The following NUBPL variants were observed in gnomAD, a reference collection of about 807,000 sequenced individuals.
NUBPL encodes iron-sulfur cluster transfer protein NUBPL.
A neutral mutation model predicts 45.7 loss-of-function variants in NUBPL; 31 were observed. The observed-to-expected ratio is 0.68, with a 90% CI of 0.51 to 0.92. The LOEUF (loss-of-function observed/expected upper bound fraction) is 0.92. NUBPL is among the 40% of genes least tolerant of loss of function. NUBPL has a pLI of 0.00. For synonymous variants in NUBPL, 144 were observed against 140.9 expected (o/e 1.02, Z -0.15); for missense variants, 401 against 398.7 (o/e 1.01, Z -0.05).
intron 4 of NUBPL, among the ~76,000 whole-genome samples, chr14:31,658,015 T>G (rs1416717036): frequency 1.3e-5 from 2 of 152,168 alleles, no homozygotes; most frequent in Non-Finnish European, 1.5e-5. Flanking sequence ...CTAAAAGATA[T>G]GTCAGAACAA....
chr14:31,637,898 C>G (rs2035554627), intron 4 of NUBPL, among the ~76,000 whole-genome samples: 2 of 152,142 alleles, frequency 1.3e-5, no homozygotes, highest in South Asian at 4.1e-4. Context: ...TTATCAGAGA[C>G]TAGGATTGCA....
chr14:31,663,766 T>C (rs1350990180), intron 4 of NUBPL, among the ~76,000 whole-genome samples: 2 of 152,368 alleles, frequency 1.3e-5, no homozygotes, highest in South Asian at 4.1e-4. Context: ...TTTTTTCTAA[T>C]TCTATGAAGA....
intron 7 of NUBPL, among the ~76,000 whole-genome samples, chr14:31,816,779 C>T (rs983721768): frequency 1.3e-5 from 2 of 152,058 alleles, no homozygotes; most frequent in African/African-American, 4.8e-5. Context: ...GCCTTAATTT[C>T]ATTACTTACC....
At chr14:31,615,180 CCTCT>C (rs374297593) in intron 4 of NUBPL, among the ~76,000 whole-genome samples, 34 of 151,468 alleles carry the variant, frequency 2.2e-4, no homozygotes, top group Non-Finnish European at 1.5e-5. Flanking sequence ...TGGCACTTCC[CCTCT>C]CTCTCTCTCC....
chr14:31,804,234 A>G (rs1230589424), intron 7 of NUBPL, among the ~76,000 whole-genome samples: 3 of 152,200 alleles, frequency 2.0e-5, no homozygotes, highest in Non-Finnish European at 4.4e-5. Flanking sequence ...GCAAAATGGT[A>G]CTGTCATTAA....
At position 31,673,410 on chromosome 14, in the gene NUBPL, T is replaced by TA. The variant is rs1280678346; in HGVS notation, c.422+16_422+17insA. 4 of 1,607,666 alleles carry TA rather than the reference T, an allele frequency of 2.5e-6. No individual in the cohort carries two copies. Among genetic ancestry groups the TA allele is most frequent in the Middle Eastern group, 3.4e-4 (2 of 5,864 alleles). Reference sequence around the variant, plus strand: ...GTATTGCTTGGTGAGCATATATATATTTTTAATGTTACTTTTCAGAATAAT... The same window carrying TA: ...GTATTGCTTGGTGAGCATATATATATATTTTAATGTTACTTTTCAGAATAAT... On this transcript the variant is annotated intron_variant, in intron 5 of 10. Coordinates refer to ENST00000281081, the MANE Select transcript of NUBPL (RefSeq NM_025152.3).
intron 2 of NUBPL, among the ~76,000 whole-genome samples, chr14:31,563,679 T>A (rs2033360318): frequency 6.6e-6 from 1 of 152,226 alleles, no homozygotes; most frequent in South Asian, 2.1e-4. Flanking sequence ...ATGCTAGAGA[T>A]GTTTTAGATT....
At chr14:31,831,792 TC>T (rs1182517778) in intron 8 of NUBPL, among the ~76,000 whole-genome samples, 2 of 152,232 alleles carry the variant, frequency 1.3e-5, no homozygotes. Context: ...ATTTGTACTT[TC>T]TTCTTAAGAT....
intron 6 of NUBPL, among the ~76,000 whole-genome samples, chr14:31,758,565 T>C (rs1397864269): frequency 6.6e-6 from 1 of 152,140 alleles, no homozygotes. Context: ...AGAGATTAAG[T>C]TTTATGTGTG....
intron 6 of NUBPL, among the ~76,000 whole-genome samples, chr14:31,732,734 C>T (rs1452526491): frequency 2.0e-5 from 3 of 151,180 alleles, no homozygotes; most frequent in South Asian, 4.2e-4. Flanking sequence ...GCCTCAGCCT[C>T]CCAAGTAGCT....
At chr14:31,645,391 A>G (rs562594313) in intron 4 of NUBPL, among the ~76,000 whole-genome samples, 2 of 152,194 alleles carry the variant, frequency 1.3e-5, no homozygotes, top group African/African-American at 2.4e-5. Context: ...AATAGGCAGC[A>G]TATAGTTGGG....
At chr14:31,725,034 A>G (rs1432892777) in intron 6 of NUBPL, among the ~76,000 whole-genome samples, 1 of 152,034 alleles carries the variant, frequency 6.6e-6, no homozygotes, top group Non-Finnish European at 1.5e-5. Flanking sequence ...AGTATCTTAT[A>G]GTAAAGATTT....
chr14:31,690,147 G>A (rs895986490), intron 6 of NUBPL, among the ~76,000 whole-genome samples: 3 of 151,860 alleles, frequency 2.0e-5, no homozygotes, highest in African/African-American at 4.8e-5. Context: ...TGAGCACCAG[G>A]ATTTAAGACA....
intron 6 of NUBPL, among the ~76,000 whole-genome samples, chr14:31,721,614 G>A (rs534994346): frequency 3.4e-5 from 5 of 145,508 alleles, no homozygotes; most frequent in South Asian, 2.2e-4. Flanking sequence ...CTCTAGTAAC[G>A]TTTTTTTTTT....
At chr14:31,566,342 C>T (rs1369093595) in intron 3 of NUBPL, among the ~76,000 whole-genome samples, 2 of 151,880 alleles carry the variant, frequency 1.3e-5, no homozygotes, top group African/African-American at 4.8e-5. Context: ...ATTTTATTCA[C>T]CATAGAAACA....
At chr14:31,623,611 C>T (rs79787453) in intron 4 of NUBPL, among the ~76,000 whole-genome samples, 7,175 of 152,218 alleles carry the variant, frequency 0.047, 211 homozygotes, top group Admixed American at 0.066. Context: ...CCATGTAGGA[C>T]GTGCTTTGCT....
intron 8 of NUBPL, among the ~76,000 whole-genome samples, chr14:31,828,303 G>A (rs2040136480): frequency 6.6e-6 from 1 of 152,174 alleles, no homozygotes; most frequent in South Asian, 2.1e-4. Context: ...AAGGTTACTT[G>A]TTATAGGGGA....
intron 8 of NUBPL, among the ~76,000 whole-genome samples, chr14:31,833,543 C>A (rs2040226471): frequency 6.6e-6 from 1 of 152,134 alleles, no homozygotes; most frequent in Non-Finnish European, 1.5e-5. Flanking sequence ...TTAAGGAAGG[C>A]TAATTGCTGT....
At chr14:31,775,003 A>G (rs11624788) in intron 6 of NUBPL, among the ~76,000 whole-genome samples, 10,142 of 152,302 alleles carry the variant, frequency 0.067, 430 homozygotes, top group Non-Finnish European at 0.091. Context: ...TTTAGGATTT[A>G]TGTCAGTAAA....
Sources: allele counts gnomAD v4.1 joint callset (sites outside exome capture counted in the v4.1 genomes callset), GRCh38; gene constraint gnomAD v4.1.1; transcripts MANE v1.5; gene names NCBI Gene and HGNC (gene_info 2026-07-23, HGNC 2026-07-21).